The following GOLM1 variants were observed in gnomAD, a reference collection of about 807,000 sequenced individuals.
The protein encoded by GOLM1 is epididymis luminal protein 46.
Under a neutral mutation model 50.5 loss-of-function variants are expected in GOLM1, and 31 were observed. The ratio of observed to expected loss-of-function variants is 0.61; its 90% CI spans 0.46 to 0.83. GOLM1 has a LOEUF of 0.83. GOLM1 is among the 40% of genes least tolerant of loss of function. The pLI is 0.00. For synonymous variants in GOLM1, 178 were observed against 192.8 expected (o/e 0.92, Z 0.64); for missense variants, 491 against 501.3 (o/e 0.98, Z 0.20).
chr9:86,073,194 A>G (rs1211462576), intron 3 of GOLM1, among the ~76,000 whole-genome samples: 1 of 152,146 alleles, frequency 6.6e-6, no homozygotes, highest in Non-Finnish European at 1.5e-5. Context: ...TAGATCAGCT[A>G]GCTGCATCAC....
At chr9:86,069,517 A>T (rs1029252379) in intron 3 of GOLM1, among the ~76,000 whole-genome samples, 2 of 152,162 alleles carry the variant, frequency 1.3e-5, no homozygotes, top group African/African-American at 2.4e-5. Context: ...TGAAGTATTT[A>T]CTCTCGAATG....
At chr9:86,052,879 G>C (rs918560915) in intron 3 of GOLM1, among the ~76,000 whole-genome samples, 3 of 89,560 alleles carry the variant, frequency 3.3e-5, no homozygotes, top group African/African-American at 1.3e-4. Flanking sequence ...GGCCAGCCAG[G>C]CCCTCCTTCC....
At chr9:86,098,102 C>A (rs550768055) in intron 1 of GOLM1, among the ~76,000 whole-genome samples, 23 of 152,300 alleles carry the variant, frequency 1.5e-4, no homozygotes, top group African/African-American at 5.3e-4. Flanking sequence ...TGGATAACCT[C>A]TCCATAGGAG....
rs554179942 is a variant in GOLM1 at position 86,035,449 on chromosome 9, T to A, written c.934A>T (p.Asn312Tyr). 3 of 1,613,670 alleles carry A rather than the reference T, an allele frequency of 1.9e-6. No individual in the cohort carries two copies. Among genetic ancestry groups the A allele is most frequent in the Non-Finnish European group, 2.5e-6 (3 of 1,179,988 alleles). The change falls in exon 8 of 10, where the codon AAT (asparagine) becomes TAT (tyrosine). Residue 312 changes from asparagine to tyrosine, a missense_variant. Coordinates refer to ENST00000388712, the MANE Select transcript of GOLM1 (RefSeq NM_016548.4). Reference sequence around the variant, plus strand: ...CGCTCAGGGCCCTCCATCTCTGGATTTTCCTGGCTCACTGACAGGGCAGCC... The same window carrying A: ...CGCTCAGGGCCCTCCATCTCTGGATATTCCTGGCTCACTGACAGGGCAGCC... ...VQAALSVSQE[N>Y]PEMEGPERDQ...
intron 6 of GOLM1, among the ~76,000 whole-genome samples, chr9:86,039,861 G>C (rs1000382570): frequency 6.6e-6 from 1 of 151,868 alleles, no homozygotes; most frequent in Non-Finnish European, 1.5e-5. Context: ...CCAGCTACTC[G>C]GGAGGCTGAG....
intron 6 of GOLM1, among the ~76,000 whole-genome samples, chr9:86,038,634 T>C (rs1833230737): frequency 6.7e-6 from 1 of 150,194 alleles, no homozygotes; most frequent in Admixed American, 6.6e-5. Context: ...AAAACCCTCA[T>C]ACTTACAGCA....
chr9:86,079,541 C>T, intron 1 of GOLM1, 200 bp from the exon 2 acceptor site: 1 of 407,220 alleles, frequency 2.5e-6, no homozygotes, highest in Non-Finnish European at 4.3e-6. Context: ...GAACCCAGGG[C>T]AGTGTGGCCA....
chr9:86,080,980 G>C (rs562753490), intron 1 of GOLM1, among the ~76,000 whole-genome samples: 17 of 152,052 alleles, frequency 1.1e-4, no homozygotes, highest in Non-Finnish European at 2.2e-4. Context: ...AAACTCTTGG[G>C]CTCAAATAAT....
chr9:86,049,054 A>G (rs1833650552), intron 4 of GOLM1, among the ~76,000 whole-genome samples: 1 of 152,190 alleles, frequency 6.6e-6, no homozygotes. Context: ...TTTTTGTATA[A>G]GGTGTAAGGA....
chr9:86,053,601 CACA>C (rs1564347430), intron 3 of GOLM1, among the ~76,000 whole-genome samples: 1 of 10,774 alleles, frequency 9.3e-5, no homozygotes, highest in Non-Finnish European at 2.6e-4. Context: ...CCACTCCACA[CACA>C]CATCACACAC....
chr9:86,064,224 C>A (rs971557727), intron 3 of GOLM1, among the ~76,000 whole-genome samples: 1 of 152,186 alleles, frequency 6.6e-6, no homozygotes, highest in Non-Finnish European at 1.5e-5. Context: ...TAATTATAAA[C>A]CTGTATTTGA....
chr9:86,057,226 C>A (rs1394644834), intron 3 of GOLM1, among the ~76,000 whole-genome samples: 1 of 152,130 alleles, frequency 6.6e-6, no homozygotes, highest in Non-Finnish European at 1.5e-5. Flanking sequence ...ATATTTGGAT[C>A]AAACTTTTTC....
chr9:86,058,988 ACT>A (rs1834072309), intron 3 of GOLM1, among the ~76,000 whole-genome samples: 3 of 152,082 alleles, frequency 2.0e-5, no homozygotes, highest in Non-Finnish European at 4.4e-5. Flanking sequence ...ATAGAGTGAG[ACT>A]CTGTCTCAAA....
At chr9:86,082,687 G>A (rs141027494) in intron 1 of GOLM1, among the ~76,000 whole-genome samples, 66 of 152,192 alleles carry the variant, frequency 4.3e-4, no homozygotes, top group African/African-American at 1.5e-3. Context: ...TGATCCTCCC[G>A]CCTCAGCCTC....
At chr9:86,036,535 C>T in intron 6 of GOLM1, 28 bp from the exon 7 acceptor site, 2 of 1,609,858 alleles carry the variant, frequency 1.2e-6, no homozygotes, top group Non-Finnish European at 1.7e-6. Context: ...GACAGCCAGC[C>T]AGGGCAGGGC....
intron 3 of GOLM1, among the ~76,000 whole-genome samples, chr9:86,064,722 G>A (rs1044316901): frequency 6.6e-6 from 1 of 152,092 alleles, no homozygotes; most frequent in African/African-American, 2.4e-5. Context: ...ACTCTGCTCG[G>A]GCCCAGCCAC....
chr9:86,052,478 G>A, intron 4 of GOLM1, 59 bp downstream of exon 4: 1 of 1,451,946 alleles, frequency 6.9e-7, no homozygotes, highest in Admixed American at 1.7e-5. Context: ...GAGAAGGAGA[G>A]AAAGGGAGTT....
chr9:86,062,728 CG>C (rs148791307), intron 3 of GOLM1, among the ~76,000 whole-genome samples: 1,857 of 149,030 alleles, frequency 0.012, 26 homozygotes, highest in African/African-American at 0.034. Context: ...GAGAAGCAAA[CG>C]GGGGGGGCTG....
intron 3 of GOLM1, among the ~76,000 whole-genome samples, chr9:86,056,220 G>GTC (rs1833981815): frequency 6.6e-6 from 1 of 151,874 alleles, no homozygotes; most frequent in Admixed American, 6.6e-5. Context: ...AGATACTTCT[G>GTC]TCTCCATGTG....
Sources: allele counts gnomAD v4.1 joint callset (sites outside exome capture counted in the v4.1 genomes callset), GRCh38; gene constraint gnomAD v4.1.1; transcripts MANE v1.5; gene names NCBI Gene and HGNC (gene_info 2026-07-23, HGNC 2026-07-21).